PRIM2: variants seen among roughly 807,000 people sequenced by gnomAD.
PRIM2 encodes the protein DNA primase subunit 2, also known as DNA primase large subunit.
A neutral mutation model predicts 67.3 loss-of-function variants in PRIM2; 39 were observed. That is an observed-to-expected ratio of 0.58 (90% CI 0.45 to 0.76). PRIM2 has a LOEUF of 0.76. Ranked by LOEUF, PRIM2 falls within the 30% of genes least tolerant of loss-of-function variation. The probability of loss-of-function intolerance (pLI) is 0.00; values close to 1 mark genes in which losing one functional copy is unlikely to be tolerated. For missense variants in PRIM2, 398 were observed against 598.7 expected, an observed-to-expected ratio of 0.66 and a Z score of 3.50; for synonymous variants, 143 against 198.7, an observed-to-expected ratio of 0.72 and a Z score of 2.36.
intron 7 of PRIM2, among the ~76,000 whole-genome samples, chr6:57,477,801 G>T: frequency 6.6e-6 from 1 of 152,172 alleles, no homozygotes; most frequent in South Asian, 2.1e-4. Context: ...TAACCTCTGT[G>T]AAGGATAAAG....
intron 7 of PRIM2, among the ~76,000 whole-genome samples, chr6:57,390,898 A>G (rs965771725): frequency 6.6e-6 from 1 of 152,178 alleles, no homozygotes; most frequent in African/African-American, 2.4e-5. Flanking sequence ...CTGGGTATAT[A>G]CCCAGTAACG....
At chr6:57,633,919 G>C (rs1333914113) in intron 13 of PRIM2, among the ~76,000 whole-genome samples, 2 of 152,108 alleles carry the variant, frequency 1.3e-5, no homozygotes, top group African/African-American at 4.8e-5. Flanking sequence ...CCGTGGACTG[G>C]GTTGGGAACC....
intron 10 of PRIM2, among the ~76,000 whole-genome samples, chr6:57,594,763 A>G (rs1412132857): frequency 1.3e-5 from 2 of 152,234 alleles, no homozygotes; most frequent in Admixed American, 1.3e-4. Flanking sequence ...CTTAGGACAC[A>G]GAGAGCACTA....
intron 5 of PRIM2, among the ~76,000 whole-genome samples, chr6:57,351,117 C>T (rs1768844044): frequency 1.3e-5 from 2 of 150,836 alleles, no homozygotes; most frequent in South Asian, 4.2e-4. Flanking sequence ...ATAAGGTCAC[C>T]AAGTAATTAA....
At chr6:57,591,415 G>A (rs1776279727) in intron 10 of PRIM2, among the ~76,000 whole-genome samples, 2 of 152,174 alleles carry the variant, frequency 1.3e-5, no homozygotes, top group Non-Finnish European at 1.5e-5. Context: ...TGCTGAGCTT[G>A]AGTTTCTGTT....
upstream of PRIM2, among the ~76,000 whole-genome samples, chr6:57,315,440 C>T (rs1227258699): frequency 6.6e-6 from 1 of 152,068 alleles, no homozygotes; most frequent in Non-Finnish European, 1.5e-5. Context: ...AAGAACTACA[C>T]CATATGGGAG....
At chr6:57,623,403 C>T (rs1776892303) in intron 12 of PRIM2, among the ~76,000 whole-genome samples, 2 of 151,980 alleles carry the variant, frequency 1.3e-5, no homozygotes, top group South Asian at 4.2e-4. Flanking sequence ...GTTAGCTAAG[C>T]CTATTAATTA....
At chr6:57,633,011 A>G (rs1368838530) in intron 13 of PRIM2, among the ~76,000 whole-genome samples, 53 of 152,234 alleles carry the variant, frequency 3.5e-4, no homozygotes, top group Admixed American at 2.4e-3. Flanking sequence ...TGTAAAGCCA[A>G]TGTCACAAAC....
chr6:57,374,969 G>A (rs1769707600), intron 5 of PRIM2, among the ~76,000 whole-genome samples: 1 of 152,264 alleles, frequency 6.6e-6, no homozygotes, highest in South Asian at 2.1e-4. Context: ...CTTTTGGGCT[G>A]AGACAATGGG....
At chr6:57,382,494 G>C in intron 7 of PRIM2, 1 of 182,296 alleles carries the variant, frequency 5.5e-6, no homozygotes. Flanking sequence ...AACAATTAGT[G>C]TGGCCTGTGG....
the PRIM2 span, among the ~76,000 whole-genome samples, chr6:57,274,452 G>A: frequency 6.6e-6 from 1 of 152,226 alleles, no homozygotes; most frequent in Non-Finnish European, 1.5e-5. Context: ...ATCTCCTGGT[G>A]TACCGTTTTT....
intron 7 of PRIM2, among the ~76,000 whole-genome samples, chr6:57,423,708 A>C (rs900145893): frequency 1.3e-5 from 2 of 152,208 alleles, no homozygotes; most frequent in Non-Finnish European, 2.9e-5. Flanking sequence ...GGGAAGCTTC[A>C]TGTTGCCTTA....
intron 7 of PRIM2, among the ~76,000 whole-genome samples, chr6:57,428,375 G>A (rs1356298451): frequency 6.6e-6 from 1 of 152,176 alleles, no homozygotes; most frequent in Non-Finnish European, 1.5e-5. Context: ...ACAGACATTA[G>A]TGTGAAATTG....
At chr6:57,227,333 C>T in the PRIM2 span, among the ~76,000 whole-genome samples, 7 of 152,124 alleles carry the variant, frequency 4.6e-5, no homozygotes, top group African/African-American at 1.7e-4. Context: ...TTTTTGTCAT[C>T]CATTCCATAA....
At chr6:57,467,137 C>A (rs1405785225) in intron 7 of PRIM2, among the ~76,000 whole-genome samples, 3 of 145,440 alleles carry the variant, frequency 2.1e-5, no homozygotes, top group Admixed American at 6.9e-5. Flanking sequence ...AAAAAAAGAT[C>A]CCATTTGTTA....
intron 7 of PRIM2, among the ~76,000 whole-genome samples, chr6:57,385,499 G>A (rs991074894): frequency 1.4e-4 from 22 of 152,100 alleles, no homozygotes; most frequent in Non-Finnish European, 3.2e-4. Flanking sequence ...ACATTTTCCT[G>A]CATAACCACA....
At chr6:57,617,880 A>G (rs1252609435) in intron 12 of PRIM2, among the ~76,000 whole-genome samples, 1 of 152,212 alleles carries the variant, frequency 6.6e-6, no homozygotes, top group Non-Finnish European at 1.5e-5. Context: ...TAGCTTTTAT[A>G]TTTAGGTCAT....
At chr6:57,266,305 T>C in the PRIM2 span, among the ~76,000 whole-genome samples, 2 of 152,220 alleles carry the variant, frequency 1.3e-5, no homozygotes, top group Non-Finnish European at 1.5e-5. Flanking sequence ...TGTTTCTCTG[T>C]ATTTAGATTT....
intron 8 of PRIM2, among the ~76,000 whole-genome samples, chr6:57,519,340 G>A (rs1163226824): frequency 2.0e-5 from 3 of 152,190 alleles, no homozygotes; most frequent in Admixed American, 6.5e-5. Context: ...GCCTGGGAGC[G>A]CTATGGGAGA....
Sources: allele counts gnomAD v4.1 joint callset (sites outside exome capture counted in the v4.1 genomes callset), GRCh38; gene constraint gnomAD v4.1.1; transcripts MANE v1.5; gene names NCBI Gene and HGNC (gene_info 2026-07-23, HGNC 2026-07-21).